Variants in ERBB4 observed in about 807,000 individuals in gnomAD.
The protein encoded by ERBB4 is receptor tyrosine-protein kinase erbB-4.
ERBB4 carries 42 observed loss-of-function variants against 158.0 expected under a neutral mutation model. The observed-to-expected ratio is 0.27, with a 90% confidence interval of 0.21 to 0.34. The LOEUF (loss-of-function observed/expected upper bound fraction) is 0.34, where lower values mean the gene tolerates loss of function less well. Among genes scored for constraint, ERBB4 ranks in the 10% least tolerant of loss-of-function variants. ERBB4 has a pLI of 1.00. For synonymous variants in ERBB4, 583 were observed against 558.7 expected, an observed-to-expected ratio of 1.04 and a Z score of -0.61; for missense variants, 1,333 against 1,624.1, an observed-to-expected ratio of 0.82 and a Z score of 3.08.
At chr2:211,470,354 T>G (rs2064801968) in intron 20 of ERBB4, among the ~76,000 whole-genome samples, 1 of 152,088 alleles carries the variant, frequency 6.6e-6, no homozygotes, top group Non-Finnish European at 1.5e-5. Context: ...CCTCTTTGGC[T>G]CTCTGACTTC....
chr2:211,857,566 C>A (rs949573688), intron 3 of ERBB4, among the ~76,000 whole-genome samples: 2 of 151,596 alleles, frequency 1.3e-5, no homozygotes, highest in Non-Finnish European at 2.9e-5. Flanking sequence ...CATAAAAATA[C>A]AAAAGAATAA....
At chr2:211,611,112 G>A (rs1454342950) in intron 19 of ERBB4, among the ~76,000 whole-genome samples, 3 of 152,160 alleles carry the variant, frequency 2.0e-5, no homozygotes, top group Non-Finnish European at 4.4e-5. Context: ...AAGTGGCTAT[G>A]TTGGCTGGAC....
intron 1 of ERBB4, among the ~76,000 whole-genome samples, chr2:212,437,758 G>C (rs1231580260): frequency 6.6e-6 from 1 of 151,788 alleles, no homozygotes; most frequent in Non-Finnish European, 1.5e-5. Context: ...CTGTCTATAG[G>C]GTAGTTTTTG....
chr2:211,458,986 T>G (rs2064459041), intron 20 of ERBB4, among the ~76,000 whole-genome samples: 1 of 152,218 alleles, frequency 6.6e-6, no homozygotes, highest in South Asian at 2.1e-4. Context: ...ATAAAATGAT[T>G]AAAATTATAA....
At chr2:211,398,121 C>T (rs1200883776) in intron 25 of ERBB4, among the ~76,000 whole-genome samples, 1 of 152,108 alleles carries the variant, frequency 6.6e-6, no homozygotes, top group Non-Finnish European at 1.5e-5. Flanking sequence ...TCTTTCTTTG[C>T]TTGGTGAATA....
At chr2:212,346,667 T>C (rs2089017223) in intron 1 of ERBB4, among the ~76,000 whole-genome samples, 1 of 152,120 alleles carries the variant, frequency 6.6e-6, no homozygotes, top group Non-Finnish European at 1.5e-5. Context: ...GGTTTACTGG[T>C]TATGGGACAT....
At chr2:212,424,595 C>T in intron 1 of ERBB4, among the ~76,000 whole-genome samples, 1 of 152,068 alleles carries the variant, frequency 6.6e-6, no homozygotes, top group East Asian at 1.9e-4. Context: ...TAAAACTTTG[C>T]TAAACAAATC....
chr2:212,055,294 G>T (rs576949614), intron 2 of ERBB4, among the ~76,000 whole-genome samples: 2 of 152,206 alleles, frequency 1.3e-5, no homozygotes, highest in African/African-American at 4.8e-5. Flanking sequence ...AAACAAAGCG[G>T]CCAGGAAGCT....
chr2:211,415,168 G>A (rs1462167837), intron 25 of ERBB4, among the ~76,000 whole-genome samples: 1 of 134,946 alleles, frequency 7.4e-6, no homozygotes, highest in African/African-American at 2.8e-5. Flanking sequence ...CCAGGCTGGA[G>A]TGCAGTGGCG....
At chr2:212,210,360 A>C (rs117466844) in intron 1 of ERBB4, among the ~76,000 whole-genome samples, 1 of 152,124 alleles carries the variant, frequency 6.6e-6, no homozygotes, top group Admixed American at 6.6e-5. Context: ...AACAGTAAAT[A>C]AAAGAAAAAA....
At chr2:211,993,804 A>T (rs1253835329) in intron 2 of ERBB4, among the ~76,000 whole-genome samples, 4 of 151,810 alleles carry the variant, frequency 2.6e-5, no homozygotes, top group Non-Finnish European at 5.9e-5. Flanking sequence ...TAAAAAAAAA[A>T]CCTAGTAGAT....
At position 211,679,154 on chromosome 2, in the gene ERBB4, C is replaced by T. The variant is rs1440849527; in HGVS notation, c.1520G>A (p.Cys507Tyr). The change falls in exon 13 of 28, where the codon TGT becomes TAT. Residue 507 changes from cysteine (C) to tyrosine (Y), a missense_variant. Around this residue, in one of 5 missense-constraint regions of ERBB4, gnomAD observed 245 missense variants for 247.5 expected, o/e 0.99. Transcript: ENST00000342788. Reference sequence around the variant, plus strand: ...AGGTCCCCAACAGCCATCACTGGAACACAGATGGTTGCACACCATTCCTTC... The same window carrying T: ...AGGTCCCCAACAGCCATCACTGGAATACAGATGGTTGCACACCATTCCTTC... ...TAEGMVCNHL[C>Y]SSDGCWGPGP... 1 of 1,613,888 alleles carries T rather than the reference C, an allele frequency of 6.2e-7. No individual in the cohort carries two copies. Among genetic ancestry groups the T allele is most frequent in the Non-Finnish European group, 8.5e-7 (1 of 1,179,904 alleles).
intron 4 of ERBB4, among the ~76,000 whole-genome samples, chr2:211,756,283 G>C (rs568233027): frequency 2.6e-4 from 39 of 152,302 alleles, no homozygotes; most frequent in Non-Finnish European, 3.8e-4. Flanking sequence ...CTGCAGTTTA[G>C]TTTTGCTTGA....
chr2:211,721,473 A>T (rs1224361707), intron 7 of ERBB4, among the ~76,000 whole-genome samples: 1 of 146,106 alleles, frequency 6.8e-6, no homozygotes, highest in Non-Finnish European at 1.5e-5. Context: ...AAATAGAGTC[A>T]AGTAAATATC....
intron 1 of ERBB4, among the ~76,000 whole-genome samples, chr2:212,219,305 T>A (rs765861797): frequency 6.6e-6 from 1 of 151,498 alleles, no homozygotes; most frequent in Non-Finnish European, 1.5e-5. Flanking sequence ...GGGTGAAGTT[T>A]GTATAATGTC....
chr2:212,486,618 A>G (rs143425371), intron 1 of ERBB4, among the ~76,000 whole-genome samples: 197 of 152,324 alleles, frequency 1.3e-3, no homozygotes, highest in African/African-American at 3.8e-3. Context: ...TAAGACACAG[A>G]TAAATTTGAA....
At chr2:211,704,429 A>T (rs1047151877) in intron 10 of ERBB4, among the ~76,000 whole-genome samples, 1 of 152,226 alleles carries the variant, frequency 6.6e-6, no homozygotes, top group African/African-American at 2.4e-5. Context: ...TTATTCTTAT[A>T]AATGCAAAAA....
chr2:212,349,287 T>TCA (rs3040350), intron 1 of ERBB4, among the ~76,000 whole-genome samples: 17,782 of 146,338 alleles, frequency 0.12, 1,595 homozygotes, highest in African/African-American at 0.27. Context: ...AACTTCTTAA[T>TCA]CACACACACA....
intron 1 of ERBB4, among the ~76,000 whole-genome samples, chr2:212,181,227 G>C (rs144346084): frequency 1.3e-5 from 2 of 151,308 alleles, no homozygotes; most frequent in Non-Finnish European, 3.0e-5. Flanking sequence ...TTTAAACCTT[G>C]GTTTTATATT....
Sources: gnomAD v4.1 joint callset for allele counts (sites outside exome capture counted in the v4.1 genomes callset) on GRCh38, gnomAD v4.1.1 for gene constraint, gnomAD v4.1.1 regional missense constraint, MANE v1.5 for transcripts, NCBI Gene and HGNC (gene_info 2026-07-23, HGNC 2026-07-21) for gene names.